Variants in TTLL7 observed in about 807,000 individuals in gnomAD.
The protein encoded by TTLL7 is tubulin polyglutamylase TTLL7.
In TTLL7, 53 loss-of-function variants were observed where a neutral mutation model predicts 120.2. The ratio of observed to expected loss-of-function variants is 0.44; its 90% confidence interval spans 0.35 to 0.55. TTLL7 has a LOEUF of 0.55. TTLL7 is among the 20% of genes least tolerant of loss of function. TTLL7 has a pLI of 0.00. For synonymous variants in TTLL7, 353 were observed against 351.7 expected, an observed-to-expected ratio of 1.00 and a Z score of -0.04; for missense variants, 803 against 1,054.7, an observed-to-expected ratio of 0.76 and a Z score of 3.31.
At chr1:83,953,012 G>C (rs1649196644) in intron 1 of TTLL7, among the ~76,000 whole-genome samples, 2 of 152,094 alleles carry the variant, frequency 1.3e-5, no homozygotes, top group African/African-American at 4.8e-5. Flanking sequence ...AAGGATTATG[G>C]GGGACAACTT....
intron 18 of TTLL7, among the ~76,000 whole-genome samples, chr1:83,897,526 G>C (rs577615218): frequency 1.3e-5 from 2 of 152,078 alleles, no homozygotes; most frequent in Admixed American, 6.6e-5. Context: ...ATGTTTCAAA[G>C]AATGCAGTTA....
intron 1 of TTLL7, among the ~76,000 whole-genome samples, chr1:83,956,326 T>C (rs186831216): frequency 2.0e-5 from 3 of 151,874 alleles, no homozygotes; most frequent in East Asian, 3.9e-4. Context: ...GGTCTCACTA[T>C]GTTGACCAGG....
intron 1 of TTLL7, among the ~76,000 whole-genome samples, chr1:83,956,286 GTATT>G (rs995786564): frequency 9.4e-5 from 14 of 149,004 alleles, no homozygotes; most frequent in African/African-American, 2.5e-4. Context: ...ATTTATTTAT[GTATT>G]TATTTATTTA....
chr1:83,893,027 T>C (rs1251814081), intron 18 of TTLL7, among the ~76,000 whole-genome samples: 3 of 150,298 alleles, frequency 2.0e-5, no homozygotes, highest in Non-Finnish European at 3.0e-5. Context: ...ATGAGATTAG[T>C]GAACACTGAG....
At chr1:83,881,174 G>A (rs1571035330) in intron 20 of TTLL7, among the ~76,000 whole-genome samples, 1 of 151,780 alleles carries the variant, frequency 6.6e-6, no homozygotes, top group African/African-American at 2.4e-5. Context: ...TCAGGACATA[G>A]GCATGGGCAA....
At chr1:83,933,582 T>C (rs1659779674) in intron 9 of TTLL7, 26 bp downstream of exon 9, 1 of 1,604,840 alleles carries the variant, frequency 6.2e-7, no homozygotes, top group African/African-American at 1.3e-5. Flanking sequence ...GTGATAACTC[T>C]TCTTTTTTCT....
chr1:83,969,003 A>C (rs956779176), intron 1 of TTLL7, among the ~76,000 whole-genome samples: 4 of 152,030 alleles, frequency 2.6e-5, no homozygotes, highest in African/African-American at 9.7e-5. Flanking sequence ...AGTATTTCTC[A>C]AATGAAATTA....
chr1:83,921,478 G>T, intron 10 of TTLL7, 84 bp from the exon 11 acceptor site: 1 of 1,439,010 alleles, frequency 6.9e-7, no homozygotes, highest in Non-Finnish European at 9.5e-7. Flanking sequence ...CAGAACAGGA[G>T]ACATAGTGAA....
At chr1:83,883,197 T>A in intron 19 of TTLL7, 61 bp from the exon 20 acceptor site, 1 of 1,392,304 alleles carries the variant, frequency 7.2e-7, no homozygotes, top group Non-Finnish European at 9.7e-7. Context: ...ACCAGCTATA[T>A]ATCACTTCCC....
At chr1:83,967,589 A>G (rs926330442) in intron 1 of TTLL7, among the ~76,000 whole-genome samples, 1 of 152,060 alleles carries the variant, frequency 6.6e-6, no homozygotes, top group African/African-American at 2.4e-5. Flanking sequence ...AATATCAACA[A>G]TCTGCATGGT....
intron 1 of TTLL7, among the ~76,000 whole-genome samples, chr1:83,988,868 C>T (rs1222532034): frequency 3.9e-5 from 6 of 152,086 alleles, no homozygotes; most frequent in African/African-American, 1.2e-4. Context: ...ACCCACCACG[C>T]CCAGCTAATT....
intron 1 of TTLL7, among the ~76,000 whole-genome samples, chr1:83,973,067 A>C (rs890484933): frequency 2.0e-5 from 3 of 151,954 alleles, no homozygotes; most frequent in African/African-American, 7.2e-5. Context: ...GTAAGTTTTT[A>C]ATTTTAATGA....
At chr1:83,996,895 T>C (rs1361626319) in intron 1 of TTLL7, among the ~76,000 whole-genome samples, 2 of 152,030 alleles carry the variant, frequency 1.3e-5, no homozygotes, top group African/African-American at 4.8e-5. Flanking sequence ...GCAGTGGTAT[T>C]GTATTTTTGC....
Position 83,948,667 on chromosome 1 carries a change from TC to T in TTLL7, c.307del (p.Glu103ArgfsTer8). 5 of 1,609,934 alleles carry T rather than the reference TC, an allele frequency of 3.1e-6. No individual in the cohort carries two copies. The highest frequency in any genetic ancestry group is 4.2e-6 in the Non-Finnish European group (5 of 1,177,260). ...TGCTAAGAAATCCTTCCTACAGATC[TC>T]CCCCATTCCTGGAAAATGGTTGATC... ...QRINHFPGMGEICRKDFLARN... is the reference protein window; with the variant it reads ...QRINHFPGMGXICRKDFLARN... On this transcript the variant is annotated frameshift_variant, in exon 5 of 21. Coordinates refer to ENST00000260505, the MANE Select transcript of TTLL7 (RefSeq NM_024686.6). LOFTEE classifies it high-confidence loss of function.
intron 20 of TTLL7, among the ~76,000 whole-genome samples, chr1:83,879,567 A>C (rs932260864): frequency 6.6e-6 from 1 of 151,956 alleles, no homozygotes; most frequent in Admixed American, 6.6e-5. Flanking sequence ...GGATAAGTTG[A>C]ATTCCATAAT....
At chr1:83,965,115 ATT>A (rs5775772) in intron 1 of TTLL7, among the ~76,000 whole-genome samples, 4 of 151,888 alleles carry the variant, frequency 2.6e-5, no homozygotes, top group African/African-American at 9.7e-5. Flanking sequence ...CAGTCAATCT[ATT>A]TTTTTTTAAA....
chr1:83,942,680 CTA>C lies in TTLL7; in HGVS notation c.507-3_507-2del. The C allele has an allele frequency of 6.2e-7, 1 of 1,600,122 alleles. No individual in the cohort carries two copies. The highest frequency in any genetic ancestry group is 1.1e-5 in the South Asian group (1 of 89,910). The stretch of plus-strand genomic sequence containing the variant: ...GTCACCATTTCTTATCAAAGAAATC[CTA>C]TGTTTAAAGAAAAAAATTAAAAGAA... On this transcript the variant is annotated splice_acceptor_variant and splice_polypyrimidine_tract_variant and intron_variant, in intron 6 of 20. Transcript: ENST00000260505. LOFTEE classifies it high-confidence loss of function.
At chr1:83,892,914 A>AAAAG (rs68044148) in intron 18 of TTLL7, among the ~76,000 whole-genome samples, 34,837 of 114,216 alleles carry the variant, frequency 0.31, 6,884 homozygotes, top group African/African-American at 0.58. Flanking sequence ...GGAAAAAGAA[A>AAAAG]AAAGAAAGAA....
At chr1:83,917,125 T>C (rs568965744) in intron 14 of TTLL7, among the ~76,000 whole-genome samples, 2 of 149,808 alleles carry the variant, frequency 1.3e-5, no homozygotes, top group African/African-American at 4.9e-5. Flanking sequence ...AAGGAGAACA[T>C]GTAGATGTCA....
Sources: allele counts gnomAD v4.1 joint callset (sites outside exome capture counted in the v4.1 genomes callset), GRCh38; gene constraint gnomAD v4.1.1; transcripts MANE v1.5; gene names NCBI Gene and HGNC (gene_info 2026-07-23, HGNC 2026-07-21).